Variants in DOCK5 observed in about 807,000 individuals in gnomAD.
DOCK5 encodes dedicator of cytokinesis 5.
In DOCK5, 142 loss-of-function variants were observed where a neutral mutation model predicts 251.8. The observed-to-expected ratio is 0.56, with a 90% CI of 0.49 to 0.65. The LOEUF (loss-of-function observed/expected upper bound fraction) is 0.65, where lower values mean the gene tolerates loss of function less well. DOCK5 is among the 30% of genes least tolerant of loss of function. The probability of loss-of-function intolerance (pLI) is 0.00; values close to 1 mark genes in which losing one functional copy is unlikely to be tolerated. For missense variants in DOCK5, 2,111 were observed against 2,312.3 expected (o/e 0.91, Z 1.79); for synonymous variants, 842 against 835.5 (o/e 1.01, Z -0.13).
chr8:25,218,372 G>T (rs889704340), intron 1 of DOCK5, among the ~76,000 whole-genome samples: 10 of 152,170 alleles, frequency 6.6e-5, no homozygotes, highest in African/African-American at 2.4e-4. Flanking sequence ...GCAGAGCTCA[G>T]CTTCTGTCCT....
intron 46 of DOCK5, among the ~76,000 whole-genome samples, chr8:25,400,516 A>T (rs1801421138): frequency 6.6e-6 from 1 of 151,592 alleles, no homozygotes; most frequent in Non-Finnish European, 1.5e-5. Flanking sequence ...AAAAAAGAAA[A>T]GTTCATCTGT....
intron 28 of DOCK5, among the ~76,000 whole-genome samples, chr8:25,359,799 C>G (rs1800644523): frequency 6.6e-6 from 1 of 152,224 alleles, no homozygotes. Context: ...GGGACTCCTG[C>G]TTTACAATAT....
chr8:25,404,347 A>G (rs543901756), intron 48 of DOCK5, among the ~76,000 whole-genome samples: 18 of 152,304 alleles, frequency 1.2e-4, no homozygotes, highest in East Asian at 7.7e-4. Flanking sequence ...AGCTATAGAT[A>G]TGGCTCATTG....
chr8:25,250,915 C>T (rs963476611), intron 2 of DOCK5, among the ~76,000 whole-genome samples: 1 of 152,146 alleles, frequency 6.6e-6, no homozygotes, highest in African/African-American at 2.4e-5. Flanking sequence ...GTCTTTGTGA[C>T]AAGGACATTT....
intron 1 of DOCK5, among the ~76,000 whole-genome samples, chr8:25,220,921 A>G (rs564846652): frequency 8.4e-4 from 128 of 152,048 alleles, no homozygotes; most frequent in African/African-American, 3.0e-3. Context: ...CAGTTTTTAC[A>G]GGGGATGAAC....
chr8:25,311,262 G>T (rs1805086246), intron 13 of DOCK5, among the ~76,000 whole-genome samples: 1 of 152,126 alleles, frequency 6.6e-6, no homozygotes, highest in Non-Finnish European at 1.5e-5. Context: ...ACCATGGCTT[G>T]GCCGAGCAGG....
At chr8:25,365,390 G>A (rs1040107160) in intron 30 of DOCK5, among the ~76,000 whole-genome samples, 1 of 152,156 alleles carries the variant, frequency 6.6e-6, no homozygotes, top group South Asian at 2.1e-4. Context: ...TATCAGTGGA[G>A]GTCCTTGACT....
chr8:25,383,732 G>A (rs1477515493), intron 40 of DOCK5, among the ~76,000 whole-genome samples: 1 of 152,100 alleles, frequency 6.6e-6, no homozygotes, highest in East Asian at 1.9e-4. Flanking sequence ...GTGCATGCCT[G>A]TAATCTCAGC....
At chr8:25,237,892 G>A (rs1391483213) in intron 1 of DOCK5, among the ~76,000 whole-genome samples, 1 of 152,188 alleles carries the variant, frequency 6.6e-6, no homozygotes, top group Non-Finnish European at 1.5e-5. Context: ...CTGAGGCCTA[G>A]GCTTAGTAGC....
intron 2 of DOCK5, among the ~76,000 whole-genome samples, chr8:25,247,575 A>G (rs1259961286): frequency 6.6e-6 from 1 of 152,166 alleles, no homozygotes; most frequent in Non-Finnish European, 1.5e-5. Flanking sequence ...AGCCTGGGCA[A>G]CAGAGTGAGT....
rs1217435460 is a variant in DOCK5 at position 25,412,077 on chromosome 8, GCTT to G, written c.*780_*782del. The G allele has an allele frequency of 1.5e-4, 13 of 85,652 alleles. No homozygotes were observed. Among genetic ancestry groups the G allele is most frequent in the African/African-American group, 4.6e-4 (12 of 25,820 alleles). 5.3% of individuals were successfully genotyped at this position (85,652 alleles called of 1,614,324 possible). The stretch of plus-strand genomic sequence containing the variant: ...TGAAGCTCTTCCTTTTGCACATACG[GCTT>G]TTTTTTTTTTTTTTTTTTTTTGTCC... On this transcript the variant is annotated 3_prime_UTR_variant, in exon 52 of 52. Coordinates refer to ENST00000276440, the MANE Select transcript of DOCK5 (RefSeq NM_024940.8).
intron 14 of DOCK5, among the ~76,000 whole-genome samples, chr8:25,317,857 T>C (rs1222210311): frequency 1.3e-5 from 2 of 152,092 alleles, no homozygotes; most frequent in Non-Finnish European, 2.9e-5. Flanking sequence ...GTGATCCACC[T>C]ACCTTGGCCT....
At chr8:25,344,155 AT>A (rs1473774185) in intron 25 of DOCK5, among the ~76,000 whole-genome samples, 2 of 152,158 alleles carry the variant, frequency 1.3e-5, no homozygotes, top group African/African-American at 4.8e-5. Context: ...GATTACTAGT[AT>A]TCTGCTGGGA....
chr8:25,413,661 TG>T lies in DOCK5; in HGVS notation c.*2365del, dbSNP rs1282134283. 2 of 152,224 alleles carry T rather than the reference TG, an allele frequency of 1.3e-5. No homozygotes were observed. Among genetic ancestry groups the T allele is most frequent in the Non-Finnish European group, 2.9e-5 (2 of 68,052 alleles). 9.4% of individuals were successfully genotyped at this position (152,224 alleles called of 1,614,324 possible). ...AGCAGTAGAAATGAGTCCCACAGCC[TG>T]GTCTTTGAGCAGAGGCTGGGAAGAT... On this transcript the variant is annotated 3_prime_UTR_variant, in exon 52 of 52. Transcript: ENST00000276440.
At chr8:25,244,981 C>T (rs1350073774) in intron 2 of DOCK5, among the ~76,000 whole-genome samples, 2 of 152,174 alleles carry the variant, frequency 1.3e-5, no homozygotes, top group Non-Finnish European at 2.9e-5. Flanking sequence ...TCAAAGTCTC[C>T]AAGACACTAG....
chr8:25,248,072 C>T (rs1044615512), intron 2 of DOCK5, among the ~76,000 whole-genome samples: 6 of 152,168 alleles, frequency 3.9e-5, no homozygotes, highest in Non-Finnish European at 5.9e-5. Context: ...GAGCCTGCAC[C>T]GTGAGCTTAC....
chr8:25,367,772 A>G (rs925033), intron 31 of DOCK5, among the ~76,000 whole-genome samples: 75,183 of 152,008 alleles, frequency 0.49, 18,664 homozygotes, highest in Middle Eastern at 0.54. Context: ...AAAACACGCT[A>G]GAATGGATGT....
intron 47 of DOCK5, among the ~76,000 whole-genome samples, chr8:25,402,687 T>C (rs989102642): frequency 1.3e-5 from 2 of 151,986 alleles, no homozygotes; most frequent in African/African-American, 4.8e-5. Context: ...CAAGCAATCC[T>C]CCTGCCTCAG....
chr8:25,266,838 G>C (rs574510706), intron 2 of DOCK5, among the ~76,000 whole-genome samples: 1 of 110,956 alleles, frequency 9.0e-6, no homozygotes, highest in Non-Finnish European at 2.4e-5. Context: ...GACATAGGAG[G>C]TTAAAAAAAA....
Sources: allele counts gnomAD v4.1 joint callset (sites outside exome capture counted in the v4.1 genomes callset), GRCh38; gene constraint gnomAD v4.1.1; transcripts MANE v1.5; gene names NCBI Gene and HGNC (gene_info 2026-07-23, HGNC 2026-07-21).